CNTNAP5: variants seen among roughly 807,000 people sequenced by gnomAD.
The protein encoded by CNTNAP5 is contactin associated protein family member 5, also known as contactin-associated protein-like 5.
In CNTNAP5, 72 loss-of-function variants were observed where a neutral mutation model predicts 150.2. The observed-to-expected ratio is 0.48, with a 90% CI of 0.40 to 0.58. The LOEUF is 0.58. CNTNAP5 is among the 20% of genes least tolerant of loss of function. The pLI is 0.00. For missense variants in CNTNAP5, 1,636 were observed against 1,626.2 expected (o/e 1.01, Z -0.10); for synonymous variants, 672 against 619.8 (o/e 1.08, Z -1.25).
At chr2:124,811,709 G>GT (rs911757052) in intron 19 of CNTNAP5, among the ~76,000 whole-genome samples, 19 of 137,132 alleles carry the variant, frequency 1.4e-4, no homozygotes, top group South Asian at 2.1e-4. Flanking sequence ...TAGGAGGCGG[G>GT]GGGGGTGGAT....
intron 12 of CNTNAP5, among the ~76,000 whole-genome samples, chr2:124,640,172 T>C (rs1678060739): frequency 6.6e-6 from 1 of 152,150 alleles, no homozygotes. Context: ...ACAGTGCACA[T>C]AGAATCCGTT....
intron 13 of CNTNAP5, among the ~76,000 whole-genome samples, chr2:124,711,732 T>G (rs184554436): frequency 2.6e-5 from 4 of 152,108 alleles, no homozygotes; most frequent in Non-Finnish European, 5.9e-5. Context: ...TCCCAGCTAC[T>G]TGGGAGGCTG....
chr2:124,739,163 C>T (rs1680449348), intron 13 of CNTNAP5, among the ~76,000 whole-genome samples: 1 of 152,082 alleles, frequency 6.6e-6, no homozygotes, highest in Non-Finnish European at 1.5e-5. Flanking sequence ...CTTTCTGGCT[C>T]ACTTCAATTC....
intron 3 of CNTNAP5, among the ~76,000 whole-genome samples, chr2:124,334,184 C>CTA (rs1689416411): frequency 6.6e-6 from 1 of 152,010 alleles, no homozygotes; most frequent in Non-Finnish European, 1.5e-5. Flanking sequence ...TGCTAAAGGC[C>CTA]TATTTTTGAT....
chr2:124,257,044 A>T (rs1466031207), intron 3 of CNTNAP5, among the ~76,000 whole-genome samples: 2 of 152,198 alleles, frequency 1.3e-5, no homozygotes, highest in African/African-American at 4.8e-5. Flanking sequence ...CAATGCATAT[A>T]CAACCCACGC....
chr2:124,842,011 A>G (rs889834022), intron 19 of CNTNAP5, among the ~76,000 whole-genome samples: 1 of 152,188 alleles, frequency 6.6e-6, no homozygotes, highest in Non-Finnish European at 1.5e-5. Flanking sequence ...CAAATATTAA[A>G]AAGTTTTAAG....
intron 19 of CNTNAP5, among the ~76,000 whole-genome samples, chr2:124,834,286 TA>T (rs1682778463): frequency 6.6e-6 from 1 of 152,160 alleles, no homozygotes. Context: ...TCTTTAATAA[TA>T]AAAAACCCTC....
intron 1 of CNTNAP5, among the ~76,000 whole-genome samples, chr2:124,092,697 G>A (rs1682842655): frequency 6.6e-6 from 1 of 152,162 alleles, no homozygotes. Flanking sequence ...ATTCCAAAAT[G>A]GGCCATTTGA....
chr2:124,253,821 C>A (rs1350531712), intron 3 of CNTNAP5, among the ~76,000 whole-genome samples: 1 of 151,840 alleles, frequency 6.6e-6, no homozygotes, highest in Non-Finnish European at 1.5e-5. Flanking sequence ...TGGCAGCAAC[C>A]TGTAACTGTA....
intron 1 of CNTNAP5, among the ~76,000 whole-genome samples, chr2:124,214,369 C>T (rs6719774): frequency 0.31 from 46,886 of 152,016 alleles, 7,379 homozygotes; most frequent in South Asian, 0.48. Flanking sequence ...CACTAACCCC[C>T]TCTTCTGGGT....
At chr2:124,495,314 G>A (rs1573413013) in intron 7 of CNTNAP5, among the ~76,000 whole-genome samples, 2 of 152,142 alleles carry the variant, frequency 1.3e-5, no homozygotes, top group African/African-American at 4.8e-5. Flanking sequence ...TGAAAGTAGA[G>A]TGTCAAAAGG....
chr2:124,851,608 T>TGTGGGGC (rs1031109826), intron 19 of CNTNAP5, among the ~76,000 whole-genome samples: 3 of 152,052 alleles, frequency 2.0e-5, no homozygotes, highest in Admixed American at 6.6e-5. Context: ...CGTCAGTAAA[T>TGTGGGGC]GTGGGGGCGG....
At chr2:124,825,520 G>T (rs2104674108) in intron 19 of CNTNAP5, among the ~76,000 whole-genome samples, 1 of 152,306 alleles carries the variant, frequency 6.6e-6, no homozygotes, top group Non-Finnish European at 1.5e-5. Flanking sequence ...TGGAGTGAGA[G>T]TGAGTCCCTC....
intron 13 of CNTNAP5, among the ~76,000 whole-genome samples, chr2:124,737,633 A>G (rs533010337): frequency 2.0e-5 from 3 of 152,340 alleles, no homozygotes; most frequent in East Asian, 3.9e-4. Context: ...GGAAATTTCA[A>G]TCAGAGGTAA....
chr2:124,175,977 T>C (rs1046203115), intron 1 of CNTNAP5, among the ~76,000 whole-genome samples: 3 of 152,182 alleles, frequency 2.0e-5, no homozygotes, highest in Non-Finnish European at 4.4e-5. Flanking sequence ...GATTACTGGG[T>C]CATGTGTGAA....
At chr2:124,408,106 C>CA (rs1219470988) in intron 3 of CNTNAP5, among the ~76,000 whole-genome samples, 2 of 152,172 alleles carry the variant, frequency 1.3e-5, no homozygotes, top group African/African-American at 4.8e-5. Context: ...CTTTCCGAGT[C>CA]AAAGAAAGGG....
intron 11 of CNTNAP5, among the ~76,000 whole-genome samples, chr2:124,601,245 C>T (rs1474406383): frequency 1.3e-5 from 2 of 152,106 alleles, no homozygotes; most frequent in Non-Finnish European, 2.9e-5. Flanking sequence ...AAGACCTGGC[C>T]TTCTTCTCTT....
chr2:124,498,079 C>A (rs190791565), intron 7 of CNTNAP5, among the ~76,000 whole-genome samples: 1 of 152,112 alleles, frequency 6.6e-6, no homozygotes, highest in African/African-American at 2.4e-5. Context: ...AGTTTCTCTG[C>A]GACAGAGGAA....
intron 3 of CNTNAP5, among the ~76,000 whole-genome samples, chr2:124,399,968 T>G (rs1691363061): frequency 6.6e-6 from 1 of 152,304 alleles, no homozygotes; most frequent in South Asian, 2.1e-4. Context: ...TAATGACATT[T>G]CATTGAGAAC....
Sources: gnomAD v4.1 joint callset for allele counts (sites outside exome capture counted in the v4.1 genomes callset) on GRCh38, gnomAD v4.1.1 for gene constraint, MANE v1.5 for transcripts, NCBI Gene and HGNC (gene_info 2026-07-23, HGNC 2026-07-21) for gene names.